FARS2: variants seen among roughly 807,000 people sequenced by gnomAD.
FARS2 encodes the protein phenylalanine--tRNA ligase, mitochondrial.
FARS2 carries 40 observed loss-of-function variants against 46.4 expected under a neutral mutation model. That is an observed-to-expected ratio of 0.86 (90% CI 0.67 to 1.12). FARS2 has a LOEUF of 1.12. Ranked by LOEUF, FARS2 falls within the 50% of genes most tolerant of loss-of-function variation. FARS2 has a pLI of 0.00. For synonymous variants in FARS2, 234 were observed against 214.9 expected, an observed-to-expected ratio of 1.09 and a Z score of -0.78; for missense variants, 513 against 567.9, an observed-to-expected ratio of 0.90 and a Z score of 0.98.
intron 6 of FARS2, among the ~76,000 whole-genome samples, chr6:5,643,396 C>T (rs927774100): frequency 2.6e-5 from 4 of 152,072 alleles, no homozygotes; most frequent in Non-Finnish European, 4.4e-5. Flanking sequence ...GGGCAGACGA[C>T]GAATATAAGG....
intron 5 of FARS2, among the ~76,000 whole-genome samples, chr6:5,566,306 T>TTCTACACTCTTCCTTTTAGTTTTAGAAA (rs1378304061): frequency 1.3e-5 from 2 of 151,724 alleles, no homozygotes; most frequent in Non-Finnish European, 2.9e-5. Context: ...CTATCAGCCA[T>TTCTACACTCTTCCTTTTAGTTTTAGAAA]CCCTTACAGT....
At chr6:5,534,822 T>C (rs1298379527) in intron 4 of FARS2, among the ~76,000 whole-genome samples, 2 of 151,564 alleles carry the variant, frequency 1.3e-5, no homozygotes, top group Admixed American at 6.6e-5. Flanking sequence ...TACACACACA[T>C]GCACGCACAC....
chr6:5,550,227 C>T (rs746527879), intron 5 of FARS2, among the ~76,000 whole-genome samples: 1 of 152,210 alleles, frequency 6.6e-6, no homozygotes, highest in Non-Finnish European at 1.5e-5. Context: ...CCCTTGGCTT[C>T]ACCCATTTGA....
chr6:5,588,761 T>C (rs1773757908), intron 5 of FARS2, among the ~76,000 whole-genome samples: 1 of 152,236 alleles, frequency 6.6e-6, no homozygotes. Flanking sequence ...TGCTAGGTTC[T>C]TTCGCGTGCA....
intron 5 of FARS2, among the ~76,000 whole-genome samples, chr6:5,598,421 A>G (rs537637948): frequency 6.6e-6 from 1 of 152,324 alleles, no homozygotes; most frequent in Admixed American, 6.5e-5. Context: ...GTAAGTATGT[A>G]AGTAAATAAA....
chr6:5,690,618 G>C (rs1324099817), intron 6 of FARS2, among the ~76,000 whole-genome samples: 1 of 151,602 alleles, frequency 6.6e-6, no homozygotes, highest in African/African-American at 2.4e-5. Flanking sequence ...TTTCTCTCTG[G>C]CTGCCCTTAA....
At chr6:5,483,144 C>T (rs1055489721) in intron 4 of FARS2, among the ~76,000 whole-genome samples, 1 of 152,200 alleles carries the variant, frequency 6.6e-6, no homozygotes, top group Non-Finnish European at 1.5e-5. Flanking sequence ...GCTGGGTTCT[C>T]CTTCAAGCTG....
rs371476729 is a variant in FARS2, at chr6:5,547,448, T to C, written c.1065+2108T>C. 9.2e-5 allele frequency among the ~76,000 whole-genome samples: 14 copies of C among 152,238 alleles called. No individual in the cohort carries two copies. In the East Asian group the frequency reaches 1.5e-3, roughly 17 times the overall value. On this transcript the variant is annotated intron_variant, in intron 5 of 6. Transcript: ENST00000274680. Reference sequence around the variant, plus strand: ...GATAAAATTTATCCCCAGAAAGTCTTATGCTTTCTACCTTCTGGCTGCTAA... The same window carrying C: ...GATAAAATTTATCCCCAGAAAGTCTCATGCTTTCTACCTTCTGGCTGCTAA...
At chr6:5,517,282 T>A (rs1483229476) in intron 4 of FARS2, among the ~76,000 whole-genome samples, 3 of 152,196 alleles carry the variant, frequency 2.0e-5, no homozygotes, top group Non-Finnish European at 1.5e-5. Context: ...ACTTGAAATA[T>A]GGCTTGTTCC....
intron 1 of FARS2, among the ~76,000 whole-genome samples, chr6:5,302,467 G>T (rs1454604049): frequency 6.6e-6 from 1 of 152,100 alleles, no homozygotes. Flanking sequence ...CTCTGGCCTT[G>T]GGGAGTTGAA....
chr6:5,455,899 C>T (rs1348654911), intron 4 of FARS2, among the ~76,000 whole-genome samples: 1 of 152,132 alleles, frequency 6.6e-6, no homozygotes, highest in Non-Finnish European at 1.5e-5. Flanking sequence ...ATACTCCCTC[C>T]ATGCATCAAG....
chr6:5,600,049 C>T (rs2150630496), intron 5 of FARS2, among the ~76,000 whole-genome samples: 1 of 152,318 alleles, frequency 6.6e-6, no homozygotes, highest in African/African-American at 2.4e-5. Context: ...TTTCCAAATA[C>T]ATGATCTGTT....
At chr6:5,411,473 A>G (rs1257467697) in intron 3 of FARS2, among the ~76,000 whole-genome samples, 2 of 152,184 alleles carry the variant, frequency 1.3e-5, no homozygotes. Context: ...TAAAAACTTA[A>G]GGTTCACTCT....
In FARS2 at chr6:5,298,068, G is replaced by A. The variant is rs373487793; in HGVS notation, c.-22+36408G>A. Among the ~76,000 whole-genome samples the A allele has an allele frequency of 5.9e-5, 9 of 152,376 alleles. No homozygotes were observed. In the South Asian group the frequency reaches 1.4e-3, roughly 25 times the overall value. On this transcript the variant is annotated intron_variant, in intron 1 of 6. Coordinates refer to ENST00000274680, the MANE Select transcript of FARS2 (RefSeq NM_006567.5). ...AGTGAATGTTGCAGCTTTATCAACA[G>A]AGGAGCAACAGCTAAGAAACTTACA...
intron 5 of FARS2, among the ~76,000 whole-genome samples, chr6:5,610,665 C>T (rs1775127714): frequency 6.6e-6 from 1 of 152,118 alleles, no homozygotes; most frequent in Non-Finnish European, 1.5e-5. Flanking sequence ...ATGCAGTTAT[C>T]TGATAAAACT....
intron 6 of FARS2, among the ~76,000 whole-genome samples, chr6:5,717,476 T>C (rs1448401802): frequency 1.3e-5 from 2 of 151,960 alleles, no homozygotes; most frequent in African/African-American, 4.8e-5. Context: ...CAGTTTCCCA[T>C]GTTTGGAATT....
Position 5,282,283 on chromosome 6 carries a change from G to T in FARS2, c.-22+20623G>T, listed in dbSNP as rs11757924. Reference sequence around the variant, plus strand: ...GCAGGGCATGCAGCCTATCATTGCCGTGGCTGCTTAGAAGGAAGCAGCAGC... The same window carrying T: ...GCAGGGCATGCAGCCTATCATTGCCTTGGCTGCTTAGAAGGAAGCAGCAGC... On this transcript the variant is annotated intron_variant, in intron 1 of 6. Coordinates refer to ENST00000274680, the MANE Select transcript of FARS2 (RefSeq NM_006567.5). 9.5e-3 allele frequency among the ~76,000 whole-genome samples: 1,452 copies of T among 152,104 alleles called. 27 individuals are homozygous for T. The highest frequency in any genetic ancestry group is 0.032 in the African/African-American group (1,322 of 41,460).
intron 1 of FARS2, among the ~76,000 whole-genome samples, chr6:5,301,118 C>G (rs1412975930): frequency 2.0e-5 from 3 of 152,004 alleles, no homozygotes; most frequent in Non-Finnish European, 4.4e-5. Flanking sequence ...TGATTTTTTT[C>G]TAGTCTGTAG....
intron 5 of FARS2, among the ~76,000 whole-genome samples, chr6:5,576,993 C>T (rs1372627690): frequency 6.6e-6 from 1 of 151,798 alleles, no homozygotes; most frequent in East Asian, 1.9e-4. Flanking sequence ...GGGCTAGGTT[C>T]TAAGGGTATA....
Sources: gnomAD v4.1 joint callset for allele counts (sites outside exome capture counted in the v4.1 genomes callset) on GRCh38, gnomAD v4.1.1 for gene constraint, MANE v1.5 for transcripts, NCBI Gene and HGNC (gene_info 2026-07-23, HGNC 2026-07-21) for gene names.